ADRA1A: variants seen among roughly 807,000 people sequenced by gnomAD.
ADRA1A encodes alpha-1A adrenergic receptor.
Under a neutral mutation model 29.6 loss-of-function variants are expected in ADRA1A, and 31 were observed. That is an observed-to-expected ratio of 1.05 (90% CI 0.79 to 1.41). The LOEUF is 1.41. ADRA1A is among the 40% of genes most tolerant of loss of function. The pLI is 0.00. For missense variants in ADRA1A, 619 were observed against 601.1 expected (o/e 1.03, Z -0.31); for synonymous variants, 311 against 254.3 (o/e 1.22, Z -2.12).
In ADRA1A at chr8:26,823,973, G is replaced by A. The variant is rs1384348247; in HGVS notation, c.883+40114C>T. 6.6e-6 allele frequency among the ~76,000 whole-genome samples: 1 copy of A among 152,120 alleles called. No individual in the cohort carries two copies. Among genetic ancestry groups the A allele is most frequent in the Non-Finnish European group, 1.5e-5 (1 of 68,028 alleles). On this transcript the variant is annotated intron_variant, in intron 2 of 2. Coordinates refer to ENST00000380573, the MANE Select transcript of ADRA1A (RefSeq NM_000680.4). This position sits in a 1 kb window ranked among gnomAD's most constrained non-coding sequence, Gnocchi z 4.2. ...TAGAAGAAAGTATTGCCCTGGGCTG[G>A]AAAATGGAGTGCCCAATGAATAGAG...
At chr8:26,816,316 G>T (rs549421657) in intron 2 of ADRA1A, among the ~76,000 whole-genome samples, 1 of 152,114 alleles carries the variant, frequency 6.6e-6, no homozygotes, top group African/African-American at 2.4e-5. Flanking sequence ...AAACTTGCTG[G>T]GTTCAGACCT....
chr8:26,849,437 G>C (rs978662830), intron 2 of ADRA1A, among the ~76,000 whole-genome samples: 18 of 152,226 alleles, frequency 1.2e-4, no homozygotes, highest in African/African-American at 4.3e-4. Context: ...ATGCCACCCG[G>C]AGGAGAGGGC....
intron 2 of ADRA1A, among the ~76,000 whole-genome samples, chr8:26,808,416 A>T (rs2130523466): frequency 6.6e-6 from 1 of 152,306 alleles, no homozygotes; most frequent in South Asian, 2.1e-4. Flanking sequence ...TGTGGAAATG[A>T]ATAACTAAAA....
rs546042019 is a variant in ADRA1A, at chr8:26,787,624, A to G, written c.884-16958T>C. Reference sequence around the variant, plus strand: ...AGAGATGATAACAGAAATAGTTACCATCTCGTGTGCTGCATAAAAATATCA... The same window carrying G: ...AGAGATGATAACAGAAATAGTTACCGTCTCGTGTGCTGCATAAAAATATCA... On this transcript the variant is annotated intron_variant, in intron 2 of 2. Transcript: ENST00000380573. This position sits in a 1 kb window ranked among gnomAD's most constrained non-coding sequence, Gnocchi z 4.2. Among the ~76,000 whole-genome samples, 3 of 151,878 alleles carry G rather than the reference A, an allele frequency of 2.0e-5. No individual in the cohort carries two copies. Among genetic ancestry groups the G allele is most frequent in the South Asian group, 4.2e-4 (2 of 4,780 alleles).
intron 2 of ADRA1A, among the ~76,000 whole-genome samples, chr8:26,785,004 A>C (rs1162383997): frequency 6.6e-6 from 1 of 152,200 alleles, no homozygotes. Context: ...AATACTCTTT[A>C]GGGGACATTT....
At chr8:26,808,627 T>G (rs1386182074) in intron 2 of ADRA1A, among the ~76,000 whole-genome samples, 1 of 152,182 alleles carries the variant, frequency 6.6e-6, no homozygotes. Flanking sequence ...TGACCTCATT[T>G]TCTCCTCCTT....
intron 2 of ADRA1A, among the ~76,000 whole-genome samples, chr8:26,808,315 T>A (rs977757861): frequency 1.3e-5 from 2 of 152,248 alleles, no homozygotes; most frequent in African/African-American, 4.8e-5. Flanking sequence ...ATCTTCATCC[T>A]TTTTTATAGC....
intron 2 of ADRA1A, among the ~76,000 whole-genome samples, chr8:26,851,169 C>T (rs1393789265): frequency 6.6e-6 from 1 of 152,094 alleles, no homozygotes; most frequent in Non-Finnish European, 1.5e-5. Flanking sequence ...TTAAAATGCA[C>T]TATTTTATTA....
At chr8:26,779,986 G>A (rs897662463) in intron 2 of ADRA1A, among the ~76,000 whole-genome samples, 1 of 152,122 alleles carries the variant, frequency 6.6e-6, no homozygotes, top group African/African-American at 2.4e-5. Flanking sequence ...CTAAAGGGAG[G>A]GGAGGCTTAT....
chr8:26,748,668 T>C, exon 3 of ADRA1A: 1 of 376,086 alleles, frequency 2.7e-6, no homozygotes, highest in East Asian at 9.4e-5. Context: ...CAGGAGAATC[T>C]CTTGAACCCG....
At position 26,865,241 on chromosome 8, in the gene ADRA1A, G is replaced by T. The variant is rs1813823404; in HGVS notation, c.-272C>A. 2 of 1,302,448 alleles carry T rather than the reference G, an allele frequency of 1.5e-6. No individual in the cohort carries two copies. The highest frequency in any genetic ancestry group is 7.5e-5 in the Admixed American group (2 of 26,568). 80.7% of individuals were successfully genotyped at this position (1,302,448 alleles called of 1,614,324 possible). On this transcript the variant is annotated 5_prime_UTR_variant, in exon 2 of 3. Transcript: ENST00000380573. The surrounding 1 kb of genome is among the most constrained non-coding windows in gnomAD (Gnocchi z 7.6). ...GGGACCCTCTCCACCTGCCGGGCTG[G>T]CCTAGCCCGGGACCCGGACTCCCTC...
At chr8:26,842,845 C>T (rs1305352865) in intron 2 of ADRA1A, among the ~76,000 whole-genome samples, 3 of 141,432 alleles carry the variant, frequency 2.1e-5, no homozygotes, top group Non-Finnish European at 3.0e-5. Flanking sequence ...CCATGACTCT[C>T]TCTCTCCCTC....
At chr8:26,779,281 C>A (rs558523817) in intron 2 of ADRA1A, 49 of 702,040 alleles carry the variant, frequency 7.0e-5, no homozygotes, top group South Asian at 3.7e-4. Context: ...TACATTCCAA[C>A]TGGTCACCAA....
chr8:26,748,714 C>G (rs1185991900), exon 3 of ADRA1A: 2 of 371,926 alleles, frequency 5.4e-6, no homozygotes, highest in Admixed American at 6.9e-5. Flanking sequence ...GATCATGCCA[C>G]TGCACTCCAG....
intron 2 of ADRA1A, among the ~76,000 whole-genome samples, chr8:26,774,535 G>C (rs760458493): frequency 2.0e-5 from 3 of 152,100 alleles, no homozygotes; most frequent in African/African-American, 2.4e-5. Flanking sequence ...TGGGTGTGGT[G>C]GCATGTGCCT....
At chr8:26,833,671 T>C (rs1811145499) in intron 2 of ADRA1A, among the ~76,000 whole-genome samples, 1 of 152,232 alleles carries the variant, frequency 6.6e-6, no homozygotes, top group Non-Finnish European at 1.5e-5. Context: ...ACCATATTGC[T>C]AAGGCAAAGC....
At chr8:26,827,833 CA>C (rs1364575998) in intron 2 of ADRA1A, among the ~76,000 whole-genome samples, 3 of 152,074 alleles carry the variant, frequency 2.0e-5, no homozygotes, top group African/African-American at 4.8e-5. Flanking sequence ...GAGGGGTGGA[CA>C]CAAACATTCA....
rs552088266 is a variant in ADRA1A, at chr8:26,785,069, A to G, written c.884-14403T>C. Among the ~76,000 whole-genome samples, 12 of 152,308 alleles carry G rather than the reference A, an allele frequency of 7.9e-5. No individual in the cohort carries two copies. In the South Asian group the frequency reaches 2.5e-3, roughly 32 times the overall value. On this transcript the variant is annotated intron_variant, in intron 2 of 2. Coordinates refer to ENST00000380573, the MANE Select transcript of ADRA1A (RefSeq NM_000680.4). ...AAGCAAAAATTATTGGTGGAGAGAA[A>G]GTTGATTGTTTTTTGAATGTTGAAT...
exon 3 of ADRA1A, chr8:26,756,755 G>A: frequency 6.2e-7 from 1 of 1,614,084 alleles, no homozygotes; most frequent in East Asian, 2.2e-5. Flanking sequence ...ACGGGAAGCT[G>A]GCTTCATGTC....
Sources: allele counts gnomAD v4.1 joint callset (sites outside exome capture counted in the v4.1 genomes callset), GRCh38; gene constraint gnomAD v4.1.1; non-coding constraint Gnocchi (gnomAD v3.1); transcripts MANE v1.5; gene names NCBI Gene and HGNC (gene_info 2026-07-23, HGNC 2026-07-21).